SNX29: variants seen among roughly 807,000 people sequenced by gnomAD.
SNX29 encodes sorting nexin 29.
A neutral mutation model predicts 102.1 loss-of-function variants in SNX29; 78 were observed. That is an observed-to-expected ratio of 0.76 (90% confidence interval 0.64 to 0.92). The LOEUF (loss-of-function observed/expected upper bound fraction) is 0.92. SNX29 is among the 40% of genes least tolerant of loss of function. The pLI is 0.00. For synonymous variants in SNX29, 580 were observed against 414.5 expected, an observed-to-expected ratio of 1.40 and a Z score of -4.85; for missense variants, 1,280 against 1,061.7, an observed-to-expected ratio of 1.21 and a Z score of -2.86.
At chr16:12,092,405 T>A (rs1429648067) in intron 11 of SNX29, among the ~76,000 whole-genome samples, 3 of 152,206 alleles carry the variant, frequency 2.0e-5, no homozygotes, top group African/African-American at 4.8e-5. Context: ...GAGGGCGGGC[T>A]CCAGTCTGTT....
chr16:12,522,450 G>A (rs1191986600), intron 19 of SNX29, among the ~76,000 whole-genome samples: 2 of 152,052 alleles, frequency 1.3e-5, no homozygotes, highest in African/African-American at 2.4e-5. Flanking sequence ...TTTTTTAGAG[G>A]CAGTGATGTG....
intron 19 of SNX29, among the ~76,000 whole-genome samples, chr16:12,505,880 A>G (rs1353702884): frequency 6.6e-6 from 1 of 151,752 alleles, no homozygotes; most frequent in African/African-American, 2.4e-5. Context: ...AGCCATGACC[A>G]TGGAATTTTT....
chr16:12,393,412 G>A (rs11645049), intron 16 of SNX29, among the ~76,000 whole-genome samples: 1 of 138,376 alleles, frequency 7.2e-6, no homozygotes, highest in Non-Finnish European at 1.6e-5. Context: ...ATGCATGCAT[G>A]CATTCATTCA....
intron 14 of SNX29, among the ~76,000 whole-genome samples, chr16:12,206,818 T>TTTC (rs1223150168): frequency 1.3e-5 from 2 of 150,420 alleles, no homozygotes; most frequent in Non-Finnish European, 3.0e-5. Flanking sequence ...GAGGTGGTTT[T>TTTC]TTTTTTTTTT....
At chr16:12,293,136 C>G (rs1302194429) in intron 15 of SNX29, among the ~76,000 whole-genome samples, 1 of 152,178 alleles carries the variant, frequency 6.6e-6, no homozygotes, top group African/African-American at 2.4e-5. Flanking sequence ...GAGATGCGGT[C>G]TTGCTATGTT....
At chr16:12,062,392 A>ATAAATAAT (rs1319957586) in intron 9 of SNX29, among the ~76,000 whole-genome samples, 3 of 150,584 alleles carry the variant, frequency 2.0e-5, no homozygotes, top group Non-Finnish European at 4.4e-5. Flanking sequence ...AAATAAATAA[A>ATAAATAAT]TAAATAAATA....
At position 12,098,217 on chromosome 16, in the gene SNX29, C is replaced by T. The variant is rs2052851997; in HGVS notation, c.1402+19302C>T. The stretch of plus-strand genomic sequence containing the variant: ...TTTCCTCCTCCTCTTCTCCCTCCTG[C>T]CCTAGACCTTAAATATTAATGTTAA... On this transcript the variant is annotated intron_variant, in intron 11 of 20. Coordinates refer to ENST00000566228, the MANE Select transcript of SNX29 (RefSeq NM_032167.5). This position sits in a 1 kb window ranked among gnomAD's most constrained non-coding sequence, Gnocchi z 6.0. Among the ~76,000 whole-genome samples, 2 of 152,144 alleles carry T rather than the reference C, an allele frequency of 1.3e-5. No individual in the cohort carries two copies. Among genetic ancestry groups the T allele is most frequent in the Admixed American group, 1.3e-4 (2 of 15,274 alleles).
At chr16:12,242,284 TTTTATTTA>T (rs530410984) in intron 14 of SNX29, among the ~76,000 whole-genome samples, 12 of 150,560 alleles carry the variant, frequency 8.0e-5, no homozygotes, top group South Asian at 6.3e-4. Flanking sequence ...AGTGCCCTGA[TTTTATTTA>T]TTTATTTATT....
chr16:12,231,231 C>T lies in SNX29; in HGVS notation c.1678+31548C>T, dbSNP rs147324945. 1.5e-4 allele frequency among the ~76,000 whole-genome samples: 23 copies of T among 152,276 alleles called. No individual in the cohort carries two copies. In the East Asian group the frequency reaches 3.7e-3, roughly 24 times the overall value. ...TTGATTAAATAGGATGTAAAGGTCC[C>T]TGGATTGGGTTGTAAAACTTAGTCC... On this transcript the variant is annotated intron_variant, in intron 14 of 20. Transcript: ENST00000566228.
intron 14 of SNX29, among the ~76,000 whole-genome samples, chr16:12,217,480 A>T (rs1199172689): frequency 1.3e-5 from 2 of 152,168 alleles, no homozygotes; most frequent in Non-Finnish European, 2.9e-5. Flanking sequence ...TGAAACCTAC[A>T]GGTGGTAGTG....
intron 20 of SNX29, among the ~76,000 whole-genome samples, chr16:12,525,415 G>C (rs939963465): frequency 6.6e-6 from 1 of 152,202 alleles, no homozygotes; most frequent in Non-Finnish European, 1.5e-5. Flanking sequence ...GCTCACGCCT[G>C]TAATCCCAGC....
chr16:12,489,750 T>A (rs2088445153), intron 19 of SNX29, among the ~76,000 whole-genome samples: 1 of 152,236 alleles, frequency 6.6e-6, no homozygotes, highest in African/African-American at 2.4e-5. Context: ...TTTTCCTTTC[T>A]TTCATTCTCT....
At chr16:12,356,933 C>A (rs2082152222) in intron 16 of SNX29, among the ~76,000 whole-genome samples, 1 of 152,204 alleles carries the variant, frequency 6.6e-6, no homozygotes, top group South Asian at 2.1e-4. Flanking sequence ...GGCAGAATCA[C>A]CCCTGGTTGA....
rs1347662571 is a variant in SNX29 at position 12,572,365 on chromosome 16, C to A, written c.*3736C>A. ...CCTGGTTGATGGACAGCAGGCTCTGCCTTCTGGAGGCGGCTTATATCCCAA... is the reference window on the plus strand; with the variant it reads ...CCTGGTTGATGGACAGCAGGCTCTGACTTCTGGAGGCGGCTTATATCCCAA... On this transcript the variant is annotated 3_prime_UTR_variant, in exon 21 of 21. Coordinates refer to ENST00000566228, the MANE Select transcript of SNX29 (RefSeq NM_032167.5). 11 of 1,062,826 alleles carry A rather than the reference C, an allele frequency of 1.0e-5. No homozygotes were observed. In the East Asian group the frequency reaches 2.5e-4, roughly 24 times the overall value. 65.8% of individuals were successfully genotyped at this position (1,062,826 alleles called of 1,614,324 possible).
intron 20 of SNX29, among the ~76,000 whole-genome samples, chr16:12,553,274 G>C (rs907129005): frequency 7.9e-5 from 12 of 152,318 alleles, no homozygotes; most frequent in African/African-American, 2.6e-4. Flanking sequence ...CCGCCTAGGG[G>C]CACAGAGTAA....
chr16:12,547,924 A>C (rs2077712100), intron 20 of SNX29, among the ~76,000 whole-genome samples: 1 of 152,142 alleles, frequency 6.6e-6, no homozygotes, highest in Non-Finnish European at 1.5e-5. Context: ...GGGTTCAGGG[A>C]TACCTCAATT....
chr16:12,457,825 G>C (rs1338645035), intron 18 of SNX29, among the ~76,000 whole-genome samples: 3 of 152,152 alleles, frequency 2.0e-5, no homozygotes, highest in Non-Finnish European at 4.4e-5. Flanking sequence ...GAGTACATTG[G>C]GTAAATTAAC....
At chr16:12,518,751 G>C (rs1362863056) in intron 19 of SNX29, among the ~76,000 whole-genome samples, 1 of 152,174 alleles carries the variant, frequency 6.6e-6, no homozygotes, top group African/African-American at 2.4e-5. Context: ...CAGCTACCAG[G>C]TGCTGAGCCT....
chr16:12,262,721 T>C (rs1167402827), intron 14 of SNX29, among the ~76,000 whole-genome samples: 2 of 152,250 alleles, frequency 1.3e-5, no homozygotes, highest in Non-Finnish European at 2.9e-5. Context: ...ACCTGCACTT[T>C]CTGTGCTCTG....
Sources: allele counts gnomAD v4.1 joint callset (sites outside exome capture counted in the v4.1 genomes callset), GRCh38; gene constraint gnomAD v4.1.1; non-coding constraint Gnocchi (gnomAD v3.1); transcripts MANE v1.5; gene names NCBI Gene and HGNC (gene_info 2026-07-23, HGNC 2026-07-21).